SEZ6L: variants seen among roughly 807,000 people sequenced by gnomAD.
SEZ6L encodes seizure 6-like protein.
SEZ6L carries 37 observed loss-of-function variants against 106.2 expected under a neutral mutation model. The observed-to-expected ratio is 0.35, with a 90% confidence interval of 0.27 to 0.46. The LOEUF (loss-of-function observed/expected upper bound fraction) is 0.46, where lower values mean the gene tolerates loss of function less well. Among genes scored for constraint, SEZ6L ranks in the 20% least tolerant of loss-of-function variants. SEZ6L has a pLI of 1.00. For missense variants in SEZ6L, 1,172 were observed against 1,332.8 expected (o/e 0.88, Z 1.88); for synonymous variants, 541 against 570.4 (o/e 0.95, Z 0.73).
At chr22:26,203,807 G>A (rs1414291558) in intron 1 of SEZ6L, among the ~76,000 whole-genome samples, 3 of 152,174 alleles carry the variant, frequency 2.0e-5, no homozygotes, top group East Asian at 1.9e-4. Context: ...ACCATCATAT[G>A]GACCTCTAAG....
intron 1 of SEZ6L, among the ~76,000 whole-genome samples, chr22:26,208,054 C>G (rs559192040): frequency 2.6e-5 from 4 of 152,060 alleles, no homozygotes; most frequent in Non-Finnish European, 4.4e-5. Context: ...GGACTACAGG[C>G]GCGCGCCACC....
intron 1 of SEZ6L, among the ~76,000 whole-genome samples, chr22:26,269,686 C>G (rs558072013): frequency 5.9e-5 from 9 of 152,204 alleles, no homozygotes; most frequent in African/African-American, 2.2e-4. Flanking sequence ...AAAACATTGT[C>G]TTGTCATGAG....
chr22:26,201,382 CAAAA>C (rs71192905), intron 1 of SEZ6L, among the ~76,000 whole-genome samples: 3 of 75,320 alleles, frequency 4.0e-5, no homozygotes, highest in Non-Finnish European at 7.2e-5. Context: ...TACAAAAATA[CAAAA>C]AAAAAAAAAA....
In SEZ6L at chr22:26,242,493, T is replaced by C. The variant is rs560723874; in HGVS notation, c.95-49913T>C. 3.3e-4 allele frequency among the ~76,000 whole-genome samples: 50 copies of C among 152,228 alleles called. 1 individual carries two copies. Among genetic ancestry groups the C allele is most frequent in the South Asian group, 2.7e-3 (13 of 4,822 alleles). ...GCTTGTTGGTGAGGGTCTTGTGTGA[T>C]CATAGGGCTGAAAGTGCTTGAGAAA... On this transcript the variant is annotated intron_variant, in intron 1 of 16. Coordinates refer to ENST00000248933, the MANE Select transcript of SEZ6L (RefSeq NM_021115.5).
intron 12 of SEZ6L, among the ~76,000 whole-genome samples, chr22:26,357,354 G>A (rs2083472253): frequency 1.3e-5 from 2 of 152,212 alleles, no homozygotes; most frequent in South Asian, 4.1e-4. Context: ...TGGAAAAACA[G>A]TAAGGTATAA....
At chr22:26,211,370 A>G (rs2078152165) in intron 1 of SEZ6L, among the ~76,000 whole-genome samples, 1 of 152,204 alleles carries the variant, frequency 6.6e-6, no homozygotes, top group Admixed American at 6.5e-5. Context: ...GATCAGTGTC[A>G]TCCAGAAGCA....
chr22:26,242,525 A>G (rs908776523), intron 1 of SEZ6L, among the ~76,000 whole-genome samples: 3 of 152,202 alleles, frequency 2.0e-5, no homozygotes, highest in Non-Finnish European at 2.9e-5. Context: ...GAAACTGGAA[A>G]AGTGGTTTAA....
rs533964446 is a variant in SEZ6L, at chr22:26,270,604, C to A, written c.95-21802C>A. 1.1e-4 allele frequency among the ~76,000 whole-genome samples: 16 copies of A among 152,184 alleles called. No individual in the cohort carries two copies. The South Asian group carries it at 3.3e-3, about 32-fold the overall frequency. The stretch of plus-strand genomic sequence containing the variant: ...AGCTATAGACACCTTCAGTGCTCTG[C>A]AGGGAGAGGACCCTTAGAGATTTAC... On this transcript the variant is annotated intron_variant, in intron 1 of 16. Coordinates refer to ENST00000248933, the MANE Select transcript of SEZ6L (RefSeq NM_021115.5).
At chr22:26,327,522 CCCA>C (rs2082354369) in intron 9 of SEZ6L, among the ~76,000 whole-genome samples, 2 of 144,238 alleles carry the variant, frequency 1.4e-5, no homozygotes, top group Admixed American at 1.4e-4. Context: ...CGCCACACAC[CCCA>C]CGACACTACA....
chr22:26,177,459 G>T (rs765854516), intron 1 of SEZ6L, among the ~76,000 whole-genome samples: 1 of 152,176 alleles, frequency 6.6e-6, no homozygotes, highest in Non-Finnish European at 1.5e-5. Context: ...GGATGCAATT[G>T]TTTGCCCTGT....
At chr22:26,230,209 G>A (rs753034459) in intron 1 of SEZ6L, among the ~76,000 whole-genome samples, 6 of 152,042 alleles carry the variant, frequency 3.9e-5, no homozygotes, top group Non-Finnish European at 7.4e-5. Context: ...CCCAGAGGCA[G>A]AGCTAGCAGG....
intron 1 of SEZ6L, among the ~76,000 whole-genome samples, chr22:26,242,070 A>C (rs576341022): frequency 1.3e-5 from 2 of 152,328 alleles, no homozygotes; most frequent in East Asian, 3.9e-4. Flanking sequence ...GCTCAAAGAC[A>C]AGGTGTCACT....
chr22:26,272,351 C>T (rs1181902305), intron 1 of SEZ6L, among the ~76,000 whole-genome samples: 1 of 152,150 alleles, frequency 6.6e-6, no homozygotes, highest in African/African-American at 2.4e-5. Context: ...TGCTTAGGAC[C>T]ATGTGACTCT....
chr22:26,254,397 A>G (rs1569423038), intron 1 of SEZ6L, among the ~76,000 whole-genome samples: 1 of 152,050 alleles, frequency 6.6e-6, no homozygotes, highest in Non-Finnish European at 1.5e-5. Flanking sequence ...GGGAAGCAGA[A>G]ACGGAGAGCA....
intron 1 of SEZ6L, among the ~76,000 whole-genome samples, chr22:26,199,859 A>G (rs1940814830): frequency 6.6e-6 from 1 of 152,166 alleles, no homozygotes; most frequent in Non-Finnish European, 1.5e-5. Context: ...GCTCTAGAGC[A>G]CCTCCCATGG....
At chr22:26,360,548 G>A (rs1281985345) in intron 12 of SEZ6L, among the ~76,000 whole-genome samples, 2 of 152,188 alleles carry the variant, frequency 1.3e-5, no homozygotes, top group African/African-American at 2.4e-5. Context: ...TCCGAGGAAA[G>A]GTTCATGGGG....
chr22:26,227,785 G>A (rs1365620397), intron 1 of SEZ6L, among the ~76,000 whole-genome samples: 4 of 152,170 alleles, frequency 2.6e-5, no homozygotes, highest in Non-Finnish European at 5.9e-5. Context: ...GGTGCTGACT[G>A]TGTACAAGGC....
At chr22:26,313,651 C>T (rs1361685825) in intron 8 of SEZ6L, 113 bp from the exon 9 acceptor site, 9 of 1,273,104 alleles carry the variant, frequency 7.1e-6, no homozygotes, top group Non-Finnish European at 1.0e-5. Context: ...CACCTGTCCA[C>T]AGTACACAGA....
intron 14 of SEZ6L, 97 bp downstream of exon 14, chr22:26,373,580 A>T: frequency 1.1e-6 from 1 of 914,772 alleles, no homozygotes; most frequent in Non-Finnish European, 1.7e-6. Flanking sequence ...GACACTTAAA[A>T]AATAAATAAA....
Sources: allele counts gnomAD v4.1 joint callset (sites outside exome capture counted in the v4.1 genomes callset), GRCh38; gene constraint gnomAD v4.1.1; transcripts MANE v1.5; gene names NCBI Gene and HGNC (gene_info 2026-07-23, HGNC 2026-07-21).